The following LRRTM4 variants were observed in gnomAD, a reference collection of about 807,000 sequenced individuals.
LRRTM4 encodes leucine rich repeat transmembrane neuronal 4.
In LRRTM4, 25 loss-of-function variants were observed where a neutral mutation model predicts 47.6. The observed-to-expected ratio is 0.53, with a 90% CI of 0.38 to 0.73. The LOEUF is 0.73. LRRTM4 is among the 30% of genes least tolerant of loss of function. The probability of loss-of-function intolerance (pLI) is 0.00; values close to 1 mark genes in which losing one functional copy is unlikely to be tolerated. For synonymous variants in LRRTM4, 311 were observed against 269.5 expected, an observed-to-expected ratio of 1.15 and a Z score of -1.51; for missense variants, 638 against 713.4, an observed-to-expected ratio of 0.89 and a Z score of 1.20.
chr2:77,099,101 CTA>C (rs1670883857), intron 3 of LRRTM4, among the ~76,000 whole-genome samples: 1 of 151,866 alleles, frequency 6.6e-6, no homozygotes. Context: ...GCTATAGACA[CTA>C]TCCTTTTAGC....
chr2:77,063,869 C>G (rs182422621), intron 3 of LRRTM4, among the ~76,000 whole-genome samples: 5 of 151,990 alleles, frequency 3.3e-5, no homozygotes, highest in East Asian at 1.9e-4. Flanking sequence ...GGCTACTGTT[C>G]TTGGACATTG....
At chr2:77,379,542 A>C (rs1373049754) in intron 3 of LRRTM4, among the ~76,000 whole-genome samples, 2 of 152,054 alleles carry the variant, frequency 1.3e-5, no homozygotes, top group Admixed American at 1.3e-4. Flanking sequence ...TTCTGCTATT[A>C]ATATTTATGT....
chr2:77,027,784 T>C (rs1337944060), intron 3 of LRRTM4, among the ~76,000 whole-genome samples: 1 of 152,140 alleles, frequency 6.6e-6, no homozygotes, highest in African/African-American at 2.4e-5. Context: ...CAATGAGCAT[T>C]ACATTAATTA....
chr2:76,935,366 A>C (rs1214364188), intron 3 of LRRTM4, among the ~76,000 whole-genome samples: 2 of 152,114 alleles, frequency 1.3e-5, no homozygotes, highest in East Asian at 1.9e-4. Context: ...AATTTAAAGT[A>C]GTTTTTTTCA....
chr2:77,013,094 TTTTC>T (rs1350846433), intron 3 of LRRTM4, among the ~76,000 whole-genome samples: 1 of 152,208 alleles, frequency 6.6e-6, no homozygotes, highest in Admixed American at 6.5e-5. Context: ...TTATTCTCAT[TTTTC>T]TTTTTTTCCT....
At chr2:76,892,903 C>T (rs1473743026) in intron 3 of LRRTM4, among the ~76,000 whole-genome samples, 2 of 151,024 alleles carry the variant, frequency 1.3e-5, no homozygotes, top group Non-Finnish European at 3.0e-5. Flanking sequence ...AACATTGAAA[C>T]TGCACTCCAT....
At chr2:76,895,221 T>C (rs1573271362) in intron 3 of LRRTM4, among the ~76,000 whole-genome samples, 1 of 152,060 alleles carries the variant, frequency 6.6e-6, no homozygotes, top group South Asian at 2.1e-4. Flanking sequence ...ATACAAAACT[T>C]GTGGAAGACA....
intron 3 of LRRTM4, among the ~76,000 whole-genome samples, chr2:76,905,940 G>C (rs563602690): frequency 6.6e-6 from 1 of 152,080 alleles, no homozygotes; most frequent in Non-Finnish European, 1.5e-5. Flanking sequence ...TTATCCAAGA[G>C]AACTTCCCCA....
chr2:77,513,873 T>C (rs1573514333), intron 3 of LRRTM4, among the ~76,000 whole-genome samples: 1 of 152,220 alleles, frequency 6.6e-6, no homozygotes, highest in Non-Finnish European at 1.5e-5. Flanking sequence ...ACGATACTTA[T>C]AATTTTTCAG....
intron 3 of LRRTM4, among the ~76,000 whole-genome samples, chr2:77,057,441 G>A (rs945246954): frequency 1.3e-5 from 2 of 152,158 alleles, no homozygotes; most frequent in Admixed American, 6.5e-5. Context: ...TTGGCCACAA[G>A]AAGACCACTA....
At chr2:76,835,055 G>A (rs987350845) in intron 3 of LRRTM4, among the ~76,000 whole-genome samples, 3 of 152,004 alleles carry the variant, frequency 2.0e-5, no homozygotes, top group Non-Finnish European at 2.9e-5. Context: ...AATAGCATCC[G>A]AACATTTGAA....
rs539173715 is a variant in LRRTM4 at position 77,215,755 on chromosome 2, G to A, written c.1551+302563C>T. On this transcript the variant is annotated intron_variant, in intron 3 of 3. Coordinates refer to ENST00000409884, the MANE Select transcript of LRRTM4 (RefSeq NM_001134745.3). ...TTCTTTTAAAGTTTAATTGAACTTC[G>A]GTCAGTCTGGTTTCTTTGGAATGGC... Among the ~76,000 whole-genome samples the A allele has an allele frequency of 2.2e-3, 330 of 152,110 alleles. 1 individual carries two copies. The highest frequency in any genetic ancestry group is 7.6e-3 in the African/African-American group (316 of 41,504).
chr2:77,226,701 G>A (rs145673621), intron 3 of LRRTM4, among the ~76,000 whole-genome samples: 6 of 151,966 alleles, frequency 3.9e-5, no homozygotes, highest in Non-Finnish European at 7.4e-5. Flanking sequence ...GTTTTCAGGT[G>A]TAGATTTTTG....
intron 3 of LRRTM4, among the ~76,000 whole-genome samples, chr2:77,483,952 C>G (rs540536777): frequency 4.6e-5 from 7 of 152,294 alleles, no homozygotes; most frequent in African/African-American, 1.7e-4. Context: ...ATCTCAGCAT[C>G]TCAAGGTAAT....
chr2:77,161,696 C>G (rs930386221), intron 3 of LRRTM4, among the ~76,000 whole-genome samples: 2 of 152,028 alleles, frequency 1.3e-5, no homozygotes, highest in Non-Finnish European at 2.9e-5. Context: ...CCATGTTGTT[C>G]AGTGGTCAAC....
intron 3 of LRRTM4, among the ~76,000 whole-genome samples, chr2:77,129,586 A>G (rs922415739): frequency 2.0e-5 from 3 of 152,230 alleles, no homozygotes; most frequent in Non-Finnish European, 2.9e-5. Flanking sequence ...CAGTAAATGC[A>G]TCCCATTTTC....
intron 3 of LRRTM4, among the ~76,000 whole-genome samples, chr2:76,953,682 A>C (rs906318909): frequency 6.6e-6 from 1 of 151,858 alleles, no homozygotes. Flanking sequence ...TACCACACAG[A>C]AACCAGCACA....
intron 3 of LRRTM4, among the ~76,000 whole-genome samples, chr2:77,348,153 A>G (rs1047593211): frequency 2.0e-5 from 3 of 151,984 alleles, no homozygotes; most frequent in Admixed American, 6.6e-5. Flanking sequence ...TGAGTGGTTA[A>G]GTGAGCATAC....
At chr2:77,058,656 G>C (rs1327977055) in intron 3 of LRRTM4, among the ~76,000 whole-genome samples, 1 of 151,976 alleles carries the variant, frequency 6.6e-6, no homozygotes, top group East Asian at 1.9e-4. Flanking sequence ...TCATTTGCTT[G>C]ATTAAAACCA....
Sources: allele counts gnomAD v4.1 joint callset (sites outside exome capture counted in the v4.1 genomes callset), GRCh38; gene constraint gnomAD v4.1.1; transcripts MANE v1.5; gene names NCBI Gene and HGNC (gene_info 2026-07-23, HGNC 2026-07-21).